The following DAP variants were observed in gnomAD, a reference collection of about 807,000 sequenced individuals.
DAP encodes death associated protein.
DAP carries 8 observed loss-of-function variants against 13.8 expected under a neutral mutation model. The ratio of observed to expected loss-of-function variants is 0.58; its 90% CI spans 0.34 to 1.05. The LOEUF is 1.05. Among genes scored for constraint, DAP ranks in the 50% least tolerant of loss-of-function variants. DAP has a pLI of 0.03. For synonymous variants in DAP, 47 were observed against 47.5 expected, an observed-to-expected ratio of 0.99 and a Z score of 0.04; for missense variants, 106 against 133.2, an observed-to-expected ratio of 0.80 and a Z score of 1.01.
chr5:10,690,123 A>G (rs1738270498), intron 2 of DAP, among the ~76,000 whole-genome samples: 1 of 152,174 alleles, frequency 6.6e-6, no homozygotes, highest in South Asian at 2.1e-4. Context: ...CTTTTTACAC[A>G]ATATTCAAGA....
rs150042103 is a variant in DAP, at chr5:10,722,312, C to T, written c.152+25863G>A. Among the ~76,000 whole-genome samples, 694 of 152,148 alleles carry T rather than the reference C, an allele frequency of 4.6e-3. 2 individuals are homozygous for T. The highest frequency in any genetic ancestry group is 0.015 in the African/African-American group (640 of 41,508). On this transcript the variant is annotated intron_variant, in intron 2 of 3. Coordinates refer to ENST00000230895, the MANE Select transcript of DAP (RefSeq NM_004394.3). ...AGAAAAACATGAAGCGAGAGACTGG[C>T]CTCACCTCCCAGCCTACATCTTTCT...
chr5:10,683,407 A>G, intron 3 of DAP, 122 bp downstream of exon 3: 2 of 969,736 alleles, frequency 2.1e-6, no homozygotes, highest in Non-Finnish European at 3.3e-6. Flanking sequence ...CCATGGCCAC[A>G]GAGGAGATGA....
intron 1 of DAP, 96 bp downstream of exon 1, chr5:10,760,918 C>T: frequency 1.2e-6 from 1 of 810,390 alleles, no homozygotes; most frequent in Non-Finnish European, 1.6e-6. Context: ...TCTCAGCGCT[C>T]GCCGGGGCCC....
chr5:10,736,678 GTC>G (rs560967527), intron 2 of DAP, among the ~76,000 whole-genome samples: 43 of 152,322 alleles, frequency 2.8e-4, no homozygotes, highest in Non-Finnish European at 4.6e-4. Flanking sequence ...TACAAACTTG[GTC>G]TCTGAGTCTC....
chr5:10,742,962 C>A (rs1204580330), intron 2 of DAP, among the ~76,000 whole-genome samples: 1 of 152,014 alleles, frequency 6.6e-6, no homozygotes, highest in Non-Finnish European at 1.5e-5. Context: ...TCTATCCATT[C>A]AGAACCATAT....
intron 2 of DAP, among the ~76,000 whole-genome samples, chr5:10,700,784 G>C (rs147851042): frequency 5.6e-4 from 85 of 152,320 alleles, no homozygotes; most frequent in Middle Eastern, 3.4e-3. Flanking sequence ...TAGGACTCAA[G>C]GCTGACTTGA....
At chr5:10,698,457 C>G (rs2930048) in intron 2 of DAP, among the ~76,000 whole-genome samples, 69,492 of 151,824 alleles carry the variant, frequency 0.46, 16,965 homozygotes, top group East Asian at 0.74. Flanking sequence ...TATTAGAATA[C>G]AATGGGAGCG....
intron 2 of DAP, among the ~76,000 whole-genome samples, chr5:10,713,010 T>C (rs1291779262): frequency 6.6e-6 from 1 of 152,172 alleles, no homozygotes; most frequent in African/African-American, 2.4e-5. Context: ...ACCCATGAAC[T>C]AGGCTGAGGG....
chr5:10,680,920 C>A lies in DAP; in HGVS notation c.*136G>T, dbSNP rs574930155. The stretch of plus-strand genomic sequence containing the variant: ...TAGTTTTAAATATGGAAATGTAAGG[C>A]AAAGGACAGAGCACTTGGTTTTGCC... On this transcript the variant is annotated 3_prime_UTR_variant, in exon 4 of 4. Coordinates refer to ENST00000230895, the MANE Select transcript of DAP (RefSeq NM_004394.3). The A allele has an allele frequency of 5.7e-5, 88 of 1,538,242 alleles. No homozygotes were observed. Among genetic ancestry groups the A allele is most frequent in the East Asian group, 2.4e-4 (10 of 41,058 alleles).
chr5:10,716,825 G>A (rs1739002113), intron 2 of DAP, among the ~76,000 whole-genome samples: 1 of 152,142 alleles, frequency 6.6e-6, no homozygotes, highest in East Asian at 1.9e-4. Flanking sequence ...GGAACTCTGA[G>A]GAATACAGAT....
chr5:10,682,173 G>A (rs940301103), intron 3 of DAP, among the ~76,000 whole-genome samples: 5 of 151,706 alleles, frequency 3.3e-5, no homozygotes, highest in African/African-American at 1.2e-4. Flanking sequence ...TGTGGGTGAG[G>A]AAGCCCCAGA....
At chr5:10,697,764 A>G (rs1274601797) in intron 2 of DAP, among the ~76,000 whole-genome samples, 1 of 152,244 alleles carries the variant, frequency 6.6e-6, no homozygotes, top group East Asian at 1.9e-4. Flanking sequence ...TACAGACACC[A>G]AAAAACTCAT....
intron 2 of DAP, among the ~76,000 whole-genome samples, chr5:10,711,240 C>T (rs930703449): frequency 7.2e-5 from 11 of 152,208 alleles, no homozygotes; most frequent in East Asian, 1.9e-4. Context: ...CCAAGAGCAG[C>T]GCATGGCTCC....
intron 2 of DAP, among the ~76,000 whole-genome samples, chr5:10,711,899 GGGCA>G: frequency 6.6e-6 from 1 of 152,318 alleles, no homozygotes; most frequent in Admixed American, 6.5e-5. Context: ...GGACCAGGCA[GGGCA>G]GGAAGGACTT....
intron 2 of DAP, among the ~76,000 whole-genome samples, chr5:10,720,004 G>C (rs1739097424): frequency 6.6e-6 from 1 of 152,220 alleles, no homozygotes; most frequent in South Asian, 2.1e-4. Context: ...GCACCTGGTT[G>C]TGTACTTTGC....
intron 2 of DAP, among the ~76,000 whole-genome samples, chr5:10,735,740 G>C (rs1324271883): frequency 6.6e-6 from 1 of 152,198 alleles, no homozygotes; most frequent in African/African-American, 2.4e-5. Flanking sequence ...TGGCATAGGG[G>C]AAGAGAGAAT....
chr5:10,723,943 G>A (rs537830029), intron 2 of DAP, among the ~76,000 whole-genome samples: 1 of 152,306 alleles, frequency 6.6e-6, no homozygotes, highest in Admixed American at 6.5e-5. Flanking sequence ...CTATTTGGAA[G>A]ATTATTGAAG....
chr5:10,710,165 A>T (rs1415035931), intron 2 of DAP, among the ~76,000 whole-genome samples: 1 of 152,116 alleles, frequency 6.6e-6, no homozygotes, highest in Non-Finnish European at 1.5e-5. Context: ...CTACAAAACA[A>T]TCCAGCCCCG....
chr5:10,724,207 G>A (rs1739226719), intron 2 of DAP, among the ~76,000 whole-genome samples: 1 of 152,200 alleles, frequency 6.6e-6, no homozygotes, highest in South Asian at 2.1e-4. Flanking sequence ...TGCCACCAAA[G>A]GAATGCAGAT....
Sources: gnomAD v4.1 joint callset for allele counts (sites outside exome capture counted in the v4.1 genomes callset) on GRCh38, gnomAD v4.1.1 for gene constraint, MANE v1.5 for transcripts, NCBI Gene and HGNC (gene_info 2026-07-23, HGNC 2026-07-21) for gene names.